TENM2: variants seen among roughly 807,000 people sequenced by gnomAD.
The protein encoded by TENM2 is teneurin transmembrane protein 2, also known as teneurin-2.
Under a neutral mutation model 245.2 loss-of-function variants are expected in TENM2, and 52 were observed. The observed-to-expected ratio is 0.21, with a 90% confidence interval of 0.17 to 0.27. The LOEUF (loss-of-function observed/expected upper bound fraction) is 0.27, where lower values mean the gene tolerates loss of function less well. TENM2 is among the 10% of genes least tolerant of loss of function. TENM2 has a pLI of 1.00. For missense variants in TENM2, 3,046 were observed against 3,666.8 expected (o/e 0.83, Z 4.37); for synonymous variants, 1,363 against 1,438.9 (o/e 0.95, Z 1.19).
chr5:168,021,775 CTTTTT>C (rs10563117), intron 5 of TENM2, among the ~76,000 whole-genome samples: 334 of 143,510 alleles, frequency 2.3e-3, no homozygotes, highest in African/African-American at 7.9e-3. Flanking sequence ...TATTTGAAAT[CTTTTT>C]TTTTTTTTTT....
At chr5:168,002,479 C>T (rs1050507159) in intron 5 of TENM2, among the ~76,000 whole-genome samples, 1 of 152,196 alleles carries the variant, frequency 6.6e-6, no homozygotes, top group African/African-American at 2.4e-5. Flanking sequence ...CAAATGCATT[C>T]TGTTCTTCAG....
intron 2 of TENM2, among the ~76,000 whole-genome samples, chr5:167,713,293 A>G (rs922486764): frequency 7.3e-5 from 11 of 151,648 alleles, no homozygotes; most frequent in African/African-American, 2.7e-4. Flanking sequence ...ACAGCCCAGA[A>G]ATCGGGAAGC....
intron 19 of TENM2, among the ~76,000 whole-genome samples, chr5:168,210,889 G>A (rs1347005816): frequency 2.0e-5 from 3 of 152,088 alleles, no homozygotes; most frequent in Admixed American, 6.5e-5. Context: ...TCTCTGGCAC[G>A]TCAATTTTCA....
At position 167,445,559 on chromosome 5, in the gene TENM2, T is replaced by C. The variant is rs144754353; in HGVS notation, c.502+70086T>C. Among the ~76,000 whole-genome samples the C allele has an allele frequency of 6.6e-5, 10 of 152,212 alleles. No homozygotes were observed. In the East Asian group the frequency reaches 1.9e-3, roughly 29 times the overall value. ...TCAGCAGCAAATAACTAAAAATTGT[T>C]TTAAATGGAACTTGTACATACATTT... On this transcript the variant is annotated intron_variant, in intron 2 of 28. Transcript: ENST00000518659.
chr5:167,333,258 A>G (rs1306466996), intron 1 of TENM2, among the ~76,000 whole-genome samples: 2 of 152,216 alleles, frequency 1.3e-5, no homozygotes, highest in African/African-American at 4.8e-5. Context: ...TTATTGCTTC[A>G]GGATTCTAGC....
rs190505526 is a variant in TENM2, at chr5:167,528,737, C to A, written c.502+153264C>A. 3.4e-3 allele frequency among the ~76,000 whole-genome samples: 521 copies of A among 152,222 alleles called. 1 individual carries two copies. Among genetic ancestry groups the A allele is most frequent in the Non-Finnish European group, 5.4e-3 (369 of 68,008 alleles). On this transcript the variant is annotated intron_variant, in intron 2 of 28. Coordinates refer to ENST00000518659, the Ensembl canonical transcript of TENM2. ...GTGTTCAGCGTTCGTAGCTGCTCAGCGACTGATATTATTCTACTCATATCT... is the reference window on the plus strand; with the variant it reads ...GTGTTCAGCGTTCGTAGCTGCTCAGAGACTGATATTATTCTACTCATATCT...
At chr5:167,298,799 G>A (rs1167463822) in intron 1 of TENM2, among the ~76,000 whole-genome samples, 9 of 152,216 alleles carry the variant, frequency 5.9e-5, no homozygotes, top group African/African-American at 1.4e-4. Flanking sequence ...GGGATAGCAC[G>A]AGGAGGTATC....
At chr5:167,237,336 A>G in the TENM2 span, among the ~76,000 whole-genome samples, 1 of 152,200 alleles carries the variant, frequency 6.6e-6, no homozygotes, top group Non-Finnish European at 1.5e-5. Context: ...CATCAATTTT[A>G]GGGCATGTTA....
At chr5:167,834,872 G>T (rs1417370507) in intron 2 of TENM2, among the ~76,000 whole-genome samples, 1 of 152,002 alleles carries the variant, frequency 6.6e-6, no homozygotes, top group Non-Finnish European at 1.5e-5. Context: ...GGATGGTCTC[G>T]ATCTCCTGAC....
intron 2 of TENM2, among the ~76,000 whole-genome samples, chr5:167,808,085 G>T (rs568751700): frequency 6.6e-6 from 1 of 152,278 alleles, no homozygotes; most frequent in Non-Finnish European, 1.5e-5. Flanking sequence ...GCAGGATGTA[G>T]TATAGAATCT....
chr5:167,656,330 C>A (rs759412723), intron 2 of TENM2, among the ~76,000 whole-genome samples: 3 of 152,150 alleles, frequency 2.0e-5, no homozygotes, highest in African/African-American at 7.2e-5. Flanking sequence ...TACATAAATA[C>A]TCATTGAATC....
chr5:167,576,705 G>A (rs1346748115), intron 2 of TENM2, among the ~76,000 whole-genome samples: 2 of 152,016 alleles, frequency 1.3e-5, no homozygotes, highest in African/African-American at 4.8e-5. Context: ...ATGATCAAAC[G>A]CATTATAAAA....
At chr5:167,727,501 C>A (rs1760110488) in intron 2 of TENM2, among the ~76,000 whole-genome samples, 1 of 152,216 alleles carries the variant, frequency 6.6e-6, no homozygotes, top group Non-Finnish European at 1.5e-5. Flanking sequence ...AAGACTACTC[C>A]ATACATCTGC....
At chr5:168,079,721 A>G (rs1174326131) in intron 7 of TENM2, among the ~76,000 whole-genome samples, 3 of 152,078 alleles carry the variant, frequency 2.0e-5, no homozygotes, top group African/African-American at 7.2e-5. Context: ...TGTTTATGTG[A>G]TGGATTGCAT....
intron 5 of TENM2, among the ~76,000 whole-genome samples, chr5:168,047,003 T>A (rs1290348886): frequency 1.3e-5 from 2 of 152,198 alleles, no homozygotes; most frequent in Non-Finnish European, 2.9e-5. Flanking sequence ...CTTGTGAGTG[T>A]ATAGTTTGGG....
upstream of TENM2, among the ~76,000 whole-genome samples, chr5:167,281,221 C>T (rs1460549094): frequency 6.6e-6 from 1 of 151,270 alleles, no homozygotes; most frequent in Non-Finnish European, 1.5e-5. Context: ...CAATTCTCTT[C>T]CTCAGCATCT....
intron 13 of TENM2, among the ~76,000 whole-genome samples, chr5:168,182,020 G>T (rs920204387): frequency 1.3e-5 from 2 of 152,178 alleles, no homozygotes; most frequent in Admixed American, 6.5e-5. Context: ...GTTGCTCTGT[G>T]CAGGGAAGGA....
the TENM2 span, among the ~76,000 whole-genome samples, chr5:167,081,518 A>T: frequency 6.6e-6 from 1 of 152,156 alleles, no homozygotes; most frequent in Non-Finnish European, 1.5e-5. Context: ...AATAATATGA[A>T]ATTCAGAGGA....
At position 167,373,363 on chromosome 5, in the gene TENM2, T is replaced by C. The variant is rs548332744; in HGVS notation, c.227-1835T>C. Among the ~76,000 whole-genome samples, 35 of 152,310 alleles carry C rather than the reference T, an allele frequency of 2.3e-4. No homozygotes were observed. In the South Asian group the frequency reaches 7.0e-3, roughly 31 times the overall value. On this transcript the variant is annotated intron_variant, in intron 1 of 28. Transcript: ENST00000518659. ...GGCTACCATAGAGTGTCAAGTTACATCAAGAGTTTAGAGACAGAATGATAA... is the reference window on the plus strand; with the variant it reads ...GGCTACCATAGAGTGTCAAGTTACACCAAGAGTTTAGAGACAGAATGATAA...
Sources: gnomAD v4.1 joint callset for allele counts (sites outside exome capture counted in the v4.1 genomes callset) on GRCh38, gnomAD v4.1.1 for gene constraint, MANE v1.5 for transcripts, NCBI Gene and HGNC (gene_info 2026-07-23, HGNC 2026-07-21) for gene names.